The following RARB variants were observed in gnomAD, a reference collection of about 807,000 sequenced individuals.
The protein encoded by RARB is HBV-activated protein.
In RARB, 17 loss-of-function variants were observed where a neutral mutation model predicts 51.9. The ratio of observed to expected loss-of-function variants is 0.33; its 90% CI spans 0.22 to 0.49. The LOEUF is 0.49. Among genes scored for constraint, RARB ranks in the 20% least tolerant of loss-of-function variants. RARB has a pLI of 0.99. For synonymous variants in RARB, 215 were observed against 195.4 expected (o/e 1.10, Z -0.84); for missense variants, 369 against 550.8 (o/e 0.67, Z 3.30).
chr3:25,546,642 C>A (rs928232868), intron 3 of RARB, among the ~76,000 whole-genome samples: 1 of 151,926 alleles, frequency 6.6e-6, no homozygotes, highest in African/African-American at 2.4e-5. Flanking sequence ...AAAAAGAGTA[C>A]CCTTTTAACA....
chr3:25,314,521 G>T (rs965830203), intron 5 of RARB, among the ~76,000 whole-genome samples: 3 of 152,120 alleles, frequency 2.0e-5, no homozygotes, highest in Non-Finnish European at 4.4e-5. Flanking sequence ...TCAGTTTCTT[G>T]GGGTTAAGAC....
chr3:25,019,235 G>T (rs1301862602), intron 2 of RARB, among the ~76,000 whole-genome samples: 1 of 152,044 alleles, frequency 6.6e-6, no homozygotes, highest in Admixed American at 6.6e-5. Context: ...TTTTAAAAAT[G>T]CCCTAAAAAT....
chr3:24,972,835 A>C (rs940232151), intron 2 of RARB, among the ~76,000 whole-genome samples: 1 of 151,936 alleles, frequency 6.6e-6, no homozygotes, highest in Middle Eastern at 3.4e-3. Context: ...TTTTAAATCA[A>C]GTTTATTTGC....
At chr3:25,254,059 T>C (rs1221699835) in intron 5 of RARB, among the ~76,000 whole-genome samples, 1 of 152,116 alleles carries the variant, frequency 6.6e-6, no homozygotes, top group Non-Finnish European at 1.5e-5. Flanking sequence ...GATTGAAAAA[T>C]CAACCCATAA....
At chr3:25,258,134 A>G (rs1432638854) in intron 5 of RARB, among the ~76,000 whole-genome samples, 1 of 152,160 alleles carries the variant, frequency 6.6e-6, no homozygotes, top group Admixed American at 6.6e-5. Flanking sequence ...GAGGCATGGT[A>G]GAAAGGATTG....
intron 5 of RARB, among the ~76,000 whole-genome samples, chr3:25,201,065 T>C (rs946179751): frequency 2.6e-5 from 4 of 152,230 alleles, no homozygotes; most frequent in African/African-American, 9.6e-5. Flanking sequence ...TGATTCTTCC[T>C]ACCCATGAGC....
Position 25,496,751 on chromosome 3 carries a change from C to G in RARB, c.307-4431C>G, listed in dbSNP as rs1389388805. Among the ~76,000 whole-genome samples, 4 of 152,334 alleles carry G rather than the reference C, an allele frequency of 2.6e-5. No homozygotes were observed. In the East Asian group the frequency reaches 7.7e-4, roughly 29 times the overall value. The stretch of plus-strand genomic sequence containing the variant: ...GTATGCTTAGATCAGTCAGAGAAGG[C>G]TTCCTGGCCAAGTGACCTCATAGAA... On this transcript the variant is annotated intron_variant, in intron 2 of 7. Coordinates refer to ENST00000330688, the MANE Select transcript of RARB (RefSeq NM_000965.5).
intron 4 of RARB, among the ~76,000 whole-genome samples, chr3:25,158,649 A>T (rs1700416749): frequency 6.6e-6 from 1 of 152,230 alleles, no homozygotes; most frequent in African/African-American, 2.4e-5. Flanking sequence ...TACAAATATA[A>T]AGTCATGAAA....
At chr3:25,002,195 C>T (rs1187738725) in intron 2 of RARB, among the ~76,000 whole-genome samples, 1 of 152,308 alleles carries the variant, frequency 6.6e-6, no homozygotes, top group Non-Finnish European at 1.5e-5. Context: ...ATTGGGCACT[C>T]TTTCTGTAAC....
chr3:25,345,242 G>C (rs1705353269), intron 5 of RARB, among the ~76,000 whole-genome samples: 1 of 152,054 alleles, frequency 6.6e-6, no homozygotes, highest in African/African-American at 2.4e-5. Flanking sequence ...TGGGTTTTTT[G>C]TTTGTTTGTT....
chr3:24,987,849 A>G (rs1696827831), intron 2 of RARB, among the ~76,000 whole-genome samples: 1 of 152,234 alleles, frequency 6.6e-6, no homozygotes, highest in African/African-American at 2.4e-5. Flanking sequence ...ACTTGTGTGC[A>G]TGTATGCACG....
intron 4 of RARB, among the ~76,000 whole-genome samples, chr3:25,153,289 G>A (rs184702910): frequency 8.9e-4 from 136 of 152,262 alleles, no homozygotes; most frequent in Non-Finnish European, 1.8e-3. Flanking sequence ...TTTTGTGCAC[G>A]TCATCCGCAG....
intron 3 of RARB, among the ~76,000 whole-genome samples, chr3:25,108,131 G>C (rs755046004): frequency 6.6e-6 from 1 of 152,048 alleles, no homozygotes; most frequent in South Asian, 2.1e-4. Flanking sequence ...TTCATGTCTC[G>C]GGCAAGATGG....
At chr3:25,450,766 G>A (rs953335560) in intron 1 of RARB, among the ~76,000 whole-genome samples, 10 of 152,190 alleles carry the variant, frequency 6.6e-5, no homozygotes, top group African/African-American at 9.6e-5. Flanking sequence ...AGAATGTCCC[G>A]TGAGAGACAA....
intron 2 of RARB, among the ~76,000 whole-genome samples, chr3:24,909,502 C>T (rs532842575): frequency 1.3e-5 from 2 of 151,784 alleles, no homozygotes; most frequent in South Asian, 4.2e-4. Context: ...CGTTCCTCCT[C>T]GTGACTCAGT....
At chr3:25,471,551 G>A (rs1031997910) in intron 2 of RARB, among the ~76,000 whole-genome samples, 16 of 148,382 alleles carry the variant, frequency 1.1e-4, no homozygotes, top group African/African-American at 3.9e-4. Context: ...TAAACAGGAA[G>A]TTGGGGGCGG....
chr3:24,839,117 G>T (rs530231985), intron 1 of RARB, among the ~76,000 whole-genome samples: 1 of 152,076 alleles, frequency 6.6e-6, no homozygotes, highest in South Asian at 2.1e-4. Flanking sequence ...TTTAGGAACT[G>T]GCATTGACAA....
chr3:25,322,818 A>G (rs1404700269), intron 5 of RARB, among the ~76,000 whole-genome samples: 1 of 152,210 alleles, frequency 6.6e-6, no homozygotes, highest in East Asian at 1.9e-4. Flanking sequence ...AAAATGCAAC[A>G]TGAGTTGGAA....
At chr3:24,862,481 A>G (rs948355319) in intron 2 of RARB, among the ~76,000 whole-genome samples, 4 of 152,178 alleles carry the variant, frequency 2.6e-5, no homozygotes, top group Non-Finnish European at 5.9e-5. Context: ...TGGAAATCCT[A>G]GAAATAATTC....
Sources: gnomAD v4.1 joint callset for allele counts (sites outside exome capture counted in the v4.1 genomes callset) on GRCh38, gnomAD v4.1.1 for gene constraint, MANE v1.5 for transcripts, NCBI Gene and HGNC (gene_info 2026-07-23, HGNC 2026-07-21) for gene names.